Variants in ARB2A observed in about 807,000 individuals in gnomAD.
The protein encoded by ARB2A is cotranscriptional regulator ARB2A.
At chr5:93,889,395 G>A in the ARB2A span, among the ~76,000 whole-genome samples, 3 of 151,826 alleles carry the variant, frequency 2.0e-5, no homozygotes, top group Non-Finnish European at 4.4e-5. Flanking sequence ...AGGTGCAAAT[G>A]AGTATAGCTA....
the ARB2A span, among the ~76,000 whole-genome samples, chr5:93,666,606 C>A: frequency 1.3e-5 from 2 of 151,684 alleles, no homozygotes; most frequent in Non-Finnish European, 2.9e-5. Flanking sequence ...TGTTAACAGG[C>A]CATTCCAAAG....
the ARB2A span, among the ~76,000 whole-genome samples, chr5:93,693,563 T>C: frequency 1.2e-5 from 1 of 81,056 alleles, no homozygotes; most frequent in Admixed American, 1.1e-4. Context: ...CAGTAATTAA[T>C]AGCCTACCAA....
the ARB2A span, chr5:93,910,769 T>C: frequency 6.6e-6 from 1 of 151,436 alleles, no homozygotes; most frequent in African/African-American, 2.4e-5. Flanking sequence ...GTTAACATTT[T>C]AAACTACAGG....
At chr5:93,790,483 CT>C in the ARB2A span, among the ~76,000 whole-genome samples, 1 of 152,186 alleles carries the variant, frequency 6.6e-6, no homozygotes, top group Non-Finnish European at 1.5e-5. Flanking sequence ...ACTTCTATAA[CT>C]GCATGACTAA....
At chr5:93,870,123 T>C in the ARB2A span, among the ~76,000 whole-genome samples, 4 of 152,350 alleles carry the variant, frequency 2.6e-5, no homozygotes, top group East Asian at 5.8e-4. Flanking sequence ...CGGTCTTCTA[T>C]TGTTGGAAGT....
chr5:93,774,405 T>C, the ARB2A span, among the ~76,000 whole-genome samples: 5 of 152,214 alleles, frequency 3.3e-5, no homozygotes, highest in Admixed American at 2.6e-4. Context: ...TTTAGGCTTC[T>C]TGCACTAAAC....
the ARB2A span, chr5:93,959,042 A>T: frequency 1.0e-6 from 1 of 960,772 alleles, no homozygotes; most frequent in Non-Finnish European, 1.4e-6. Flanking sequence ...AAAACAACTA[A>T]TGGCTGTTAC....
chr5:94,081,304 A>C, the ARB2A span, among the ~76,000 whole-genome samples: 4 of 152,210 alleles, frequency 2.6e-5, no homozygotes, highest in Non-Finnish European at 1.5e-5. Context: ...TATTACACAC[A>C]GAGTTACCAT....
chr5:93,997,683 A>G, the ARB2A span, among the ~76,000 whole-genome samples: 6 of 151,910 alleles, frequency 3.9e-5, no homozygotes, highest in Non-Finnish European at 8.8e-5. Context: ...TGACTTAATA[A>G]CTCAAGATTT....
chr5:93,785,701 A>G, the ARB2A span, among the ~76,000 whole-genome samples: 1 of 152,274 alleles, frequency 6.6e-6, no homozygotes, highest in East Asian at 1.9e-4. Flanking sequence ...CTGCACCTCA[A>G]GTCTTTGTGC....
the ARB2A span, among the ~76,000 whole-genome samples, chr5:93,761,028 C>A: frequency 1.3e-5 from 2 of 152,176 alleles, no homozygotes; most frequent in Non-Finnish European, 2.9e-5. Context: ...TATCTAGAAT[C>A]TACAATAAAC....
At chr5:93,960,827 A>T in the ARB2A span, among the ~76,000 whole-genome samples, 1 of 152,234 alleles carries the variant, frequency 6.6e-6, no homozygotes, top group Non-Finnish European at 1.5e-5. Context: ...AAATACAGGA[A>T]GAGAGATATG....
the ARB2A span, among the ~76,000 whole-genome samples, chr5:93,800,726 A>G: frequency 1.1e-4 from 17 of 152,280 alleles, no homozygotes; most frequent in South Asian, 1.7e-3. Flanking sequence ...AATGGAGCAA[A>G]TCTTTATATT....
chr5:93,904,064 C>A, the ARB2A span, among the ~76,000 whole-genome samples: 1 of 151,668 alleles, frequency 6.6e-6, no homozygotes, highest in Non-Finnish European at 1.5e-5. Context: ...TAACTCATGG[C>A]AGAGAAGTAT....
chr5:93,669,786 C>A, the ARB2A span, among the ~76,000 whole-genome samples: 1 of 152,136 alleles, frequency 6.6e-6, no homozygotes, highest in Non-Finnish European at 1.5e-5. Context: ...TGTTGTTAGA[C>A]CCTTACATTC....
chr5:93,934,492 C>T, the ARB2A span, among the ~76,000 whole-genome samples: 1 of 152,156 alleles, frequency 6.6e-6, no homozygotes, highest in African/African-American at 2.4e-5. Context: ...TTTCTAGGTC[C>T]TCCCCAGTGT....
the ARB2A span, among the ~76,000 whole-genome samples, chr5:94,065,443 G>A: frequency 6.6e-6 from 1 of 152,184 alleles, no homozygotes; most frequent in African/African-American, 2.4e-5. Flanking sequence ...GAGCCCAGGA[G>A]GTAGATGTTG....
chr5:93,629,091 A>C, the ARB2A span, among the ~76,000 whole-genome samples: 1 of 152,184 alleles, frequency 6.6e-6, no homozygotes, highest in East Asian at 1.9e-4. Context: ...CTTTCACTTG[A>C]ACACTTAGAG....
chr5:93,649,899 G>C, the ARB2A span, among the ~76,000 whole-genome samples: 6 of 152,078 alleles, frequency 3.9e-5, no homozygotes, highest in Non-Finnish European at 7.4e-5. Flanking sequence ...CCTGAACATA[G>C]GCAAGGTAAT....
Sources: gnomAD v4.1 joint callset for allele counts (sites outside exome capture counted in the v4.1 genomes callset) on GRCh38, gnomAD v4.1.1 for gene constraint, MANE v1.5 for transcripts, NCBI Gene and HGNC (gene_info 2026-07-23, HGNC 2026-07-21) for gene names.